The following GPHN variants were observed in gnomAD, a reference collection of about 807,000 sequenced individuals.
GPHN encodes gephyrin.
In GPHN, 17 loss-of-function variants were observed where a neutral mutation model predicts 95.5. The observed-to-expected ratio is 0.18, with a 90% CI of 0.12 to 0.27. GPHN has a LOEUF of 0.27. GPHN is among the 10% of genes least tolerant of loss of function. The pLI is 1.00. For synonymous variants in GPHN, 320 were observed against 322.5 expected, an observed-to-expected ratio of 0.99 and a Z score of 0.08; for missense variants, 660 against 978.1, an observed-to-expected ratio of 0.67 and a Z score of 4.34.
At chr14:66,979,509 C>T (rs1160285886) in intron 9 of GPHN, among the ~76,000 whole-genome samples, 1 of 152,196 alleles carries the variant, frequency 6.6e-6, no homozygotes, top group African/African-American at 2.4e-5. Flanking sequence ...TCTGCAGTTT[C>T]CTCACCTTAC....
At chr14:67,666,912 T>C in the GPHN span, among the ~76,000 whole-genome samples, 1 of 152,126 alleles carries the variant, frequency 6.6e-6, no homozygotes, top group Non-Finnish European at 1.5e-5. Context: ...TAAAATCTGT[T>C]GAAAAAACAA....
intron 1 of GPHN, among the ~76,000 whole-genome samples, chr14:66,641,918 A>C (rs2064433584): frequency 6.6e-6 from 1 of 152,178 alleles, no homozygotes; most frequent in African/African-American, 2.4e-5. Flanking sequence ...AGAAATTCAA[A>C]GGATCAAGGA....
the GPHN span, among the ~76,000 whole-genome samples, chr14:67,700,583 C>T: frequency 6.6e-6 from 1 of 151,426 alleles, no homozygotes; most frequent in Non-Finnish European, 1.5e-5. Context: ...GGCGTGGTGG[C>T]GGGCGCCTGT....
chr14:66,571,737 G>A (rs1361445231), intron 1 of GPHN, among the ~76,000 whole-genome samples: 1 of 152,052 alleles, frequency 6.6e-6, no homozygotes, highest in African/African-American at 2.4e-5. Context: ...CTTGAACCTG[G>A]GAGTCGGAGC....
the GPHN span, among the ~76,000 whole-genome samples, chr14:67,228,041 G>A: frequency 6.6e-6 from 1 of 151,748 alleles, no homozygotes; most frequent in East Asian, 1.9e-4. Flanking sequence ...GTGGTGGTGG[G>A]CACCTGTAAT....
the GPHN span, among the ~76,000 whole-genome samples, chr14:67,713,611 C>T: frequency 6.6e-6 from 1 of 152,038 alleles, no homozygotes; most frequent in African/African-American, 2.4e-5. Context: ...CATTGAGAAT[C>T]CTTTTGTGGT....
the GPHN span, among the ~76,000 whole-genome samples, chr14:67,608,528 C>A: frequency 6.6e-6 from 1 of 152,098 alleles, no homozygotes; most frequent in Admixed American, 6.6e-5. Context: ...GTATATACCA[C>A]CTTAAACAAA....
intron 9 of GPHN, among the ~76,000 whole-genome samples, chr14:66,982,839 G>A (rs2070766559): frequency 1.3e-5 from 2 of 152,116 alleles, no homozygotes; most frequent in African/African-American, 4.8e-5. Context: ...CTTTAGAAAA[G>A]TATGAATAAA....
the GPHN span, chr14:67,352,871 C>T: frequency 4.1e-6 from 5 of 1,222,816 alleles, no homozygotes; most frequent in Admixed American, 6.7e-5. Flanking sequence ...ATGCCAAGGG[C>T]CATGCTGGAT....
chr14:67,547,137 A>C, the GPHN span, among the ~76,000 whole-genome samples: 48 of 152,272 alleles, frequency 3.2e-4, 1 homozygote, highest in South Asian at 6.0e-3. Context: ...TTAGGGGTGC[A>C]TAGTGTGATG....
In GPHN at chr14:67,061,840, A is replaced by G. The variant is rs181566213; in HGVS notation, c.1144+3054A>G. ...TTGCTTATATAGTTTTTGCTTGGAA[A>G]AACTTTATCTTACTTCTCTACATAT... is the stretch of plus-strand genomic sequence containing the variant. On this transcript the variant is annotated intron_variant, in intron 11 of 22. Coordinates refer to ENST00000478722, the MANE Select transcript of GPHN (RefSeq NM_020806.5). Among the ~76,000 whole-genome samples the G allele has an allele frequency of 1.5e-3, 224 of 152,196 alleles. 2 individuals carry two copies. The highest frequency in any genetic ancestry group is 1.5e-3 in the Non-Finnish European group (99 of 67,996).
chr14:66,636,190 C>G (rs2064086054), intron 1 of GPHN, among the ~76,000 whole-genome samples: 1 of 152,024 alleles, frequency 6.6e-6, no homozygotes, highest in Non-Finnish European at 1.5e-5. Flanking sequence ...ATTGGGACCC[C>G]TTATTGGCTT....
At chr14:66,812,565 G>A (rs1341137712) in intron 3 of GPHN, among the ~76,000 whole-genome samples, 2 of 152,012 alleles carry the variant, frequency 1.3e-5, no homozygotes, top group Non-Finnish European at 2.9e-5. Flanking sequence ...TGAAGAGATA[G>A]GAAATCTTAG....
At chr14:67,692,550 T>C in the GPHN span, 2 of 1,608,434 alleles carry the variant, frequency 1.2e-6, no homozygotes, top group Non-Finnish European at 1.7e-6. Context: ...TGGCCACCAA[T>C]TCCCCCTTTT....
At chr14:67,323,713 T>C in the GPHN span, 2 of 1,565,562 alleles carry the variant, frequency 1.3e-6, no homozygotes, top group Admixed American at 1.9e-5. Context: ...CATTGAAGAC[T>C]CTCCGGAATT....
At chr14:67,560,399 A>AT in the GPHN span, among the ~76,000 whole-genome samples, 1 of 152,196 alleles carries the variant, frequency 6.6e-6, no homozygotes, top group African/African-American at 2.4e-5. Context: ...AAAATGTACC[A>AT]TTTAAGTGTA....
At chr14:67,312,287 A>G in the GPHN span, 4 of 275,262 alleles carry the variant, frequency 1.5e-5, no homozygotes. Flanking sequence ...TGCACTGATG[A>G]AAAATTGTGG....
chr14:66,945,983 G>A (rs56259823), intron 8 of GPHN, among the ~76,000 whole-genome samples: 1 of 152,002 alleles, frequency 6.6e-6, no homozygotes, highest in Non-Finnish European at 1.5e-5. Context: ...TTCTGGGCCT[G>A]TGGACTTTGT....
intron 18 of GPHN, among the ~76,000 whole-genome samples, chr14:67,156,630 C>T (rs987876838): frequency 2.6e-5 from 4 of 151,988 alleles, no homozygotes; most frequent in African/African-American, 9.7e-5. Context: ...GAAATCAAAG[C>T]AGAAGTGACA....
Sources: gnomAD v4.1 joint callset for allele counts (sites outside exome capture counted in the v4.1 genomes callset) on GRCh38, gnomAD v4.1.1 for gene constraint, MANE v1.5 for transcripts, NCBI Gene and HGNC (gene_info 2026-07-23, HGNC 2026-07-21) for gene names.